The following AKAP10 variants were observed in gnomAD, a reference collection of about 807,000 sequenced individuals.
AKAP10 encodes A-kinase anchoring protein 10.
AKAP10 carries 24 observed loss-of-function variants against 80.8 expected under a neutral mutation model. The ratio of observed to expected loss-of-function variants is 0.30; its 90% CI spans 0.22 to 0.42. The LOEUF is 0.42. Among genes scored for constraint, AKAP10 ranks in the 10% least tolerant of loss-of-function variants. The pLI, the probability that AKAP10 is intolerant of heterozygous loss-of-function variation, is 1.00. For missense variants in AKAP10, 661 were observed against 794.9 expected, an observed-to-expected ratio of 0.83 and a Z score of 2.03; for synonymous variants, 291 against 277.7, an observed-to-expected ratio of 1.05 and a Z score of -0.48.
intron 5 of AKAP10, among the ~76,000 whole-genome samples, chr17:19,942,449 G>A (rs1252797020): frequency 1.3e-5 from 2 of 152,082 alleles, no homozygotes; most frequent in Non-Finnish European, 2.9e-5. Flanking sequence ...AAGGGCACAA[G>A]AAAACTAACA....
At chr17:19,936,192 A>C in intron 9 of AKAP10, 94 bp downstream of exon 9, 1 of 1,381,082 alleles carries the variant, frequency 7.2e-7, no homozygotes, top group Non-Finnish European at 9.7e-7. Context: ...TTCAATTTCC[A>C]CTGTGCTATT....
intron 4 of AKAP10, among the ~76,000 whole-genome samples, chr17:19,947,717 T>A (rs1012877117): frequency 5.9e-5 from 9 of 152,146 alleles, no homozygotes; most frequent in African/African-American, 2.2e-4. Context: ...ATGAAAAAAC[T>A]ATGCATGAAT....
In AKAP10 at chr17:19,915,726, C is replaced by A. The variant is rs576501984; in HGVS notation, c.1834+4310G>T. On this transcript the variant is annotated intron_variant, in intron 12 of 14. Coordinates refer to ENST00000225737, the MANE Select transcript of AKAP10 (RefSeq NM_007202.4). The stretch of plus-strand genomic sequence containing the variant: ...CCTCTACCTTCAAATACAACCCGAA[C>A]TGGACTGGTCTTCCACTACCAGCCT... Among the ~76,000 whole-genome samples, 3 of 152,280 alleles carry A rather than the reference C, an allele frequency of 2.0e-5. No individual in the cohort carries two copies. The South Asian group carries it at 6.2e-4, about 32-fold the overall frequency.
intron 10 of AKAP10, among the ~76,000 whole-genome samples, chr17:19,929,999 C>CAAAAAAAAAAAAAAAAAAAAACA (rs11365343): frequency 1.7e-4 from 14 of 81,756 alleles, no homozygotes; most frequent in South Asian, 4.2e-4. Context: ...CAACAAAAAC[C>CAAAAAAAAAAAAAAAAAAAAACA]AAAAAAAAAA....
At chr17:19,925,602 C>G (rs2042867754) in intron 10 of AKAP10, among the ~76,000 whole-genome samples, 1 of 152,126 alleles carries the variant, frequency 6.6e-6, no homozygotes, top group African/African-American at 2.4e-5. Flanking sequence ...TTATTCACTG[C>G]AGCATTGTTT....
chr17:19,952,011 T>C (rs935912195), intron 4 of AKAP10, among the ~76,000 whole-genome samples: 4 of 150,886 alleles, frequency 2.7e-5, no homozygotes, highest in Non-Finnish European at 5.9e-5. Flanking sequence ...ATTAATATTA[T>C]TATGAGTAAT....
chr17:19,934,620 G>T (rs1275030512), intron 9 of AKAP10, among the ~76,000 whole-genome samples: 2 of 152,168 alleles, frequency 1.3e-5, no homozygotes. Context: ...ATGTTAATAT[G>T]TATTTTATAT....
intron 12 of AKAP10, among the ~76,000 whole-genome samples, chr17:19,915,966 G>C (rs150296420): frequency 1.1e-3 from 161 of 152,214 alleles, no homozygotes; most frequent in African/African-American, 3.7e-3. Context: ...TCCTTGCCAT[G>C]GTCTCTGGTG....
chr17:19,946,870 T>C (rs1160779612), intron 5 of AKAP10, among the ~76,000 whole-genome samples: 1 of 152,004 alleles, frequency 6.6e-6, no homozygotes, highest in Non-Finnish European at 1.5e-5. Context: ...CAGGTAGACA[T>C]CCAGGGTGCC....
In AKAP10 at chr17:19,931,982, A is replaced by T. The variant is rs768721214; in HGVS notation, c.1468-4T>A. 1.2e-6 allele frequency: 2 copies of T among 1,606,492 alleles called. No homozygotes were observed. Among genetic ancestry groups the T allele is most frequent in the Admixed American group, 3.4e-5 (2 of 58,418 alleles). ...ACAAAAAGCCAGGCAAAAAGACCTG[A>T]TAGAGATGAAAAGCATTATTTTAAA... On this transcript the variant is annotated splice_polypyrimidine_tract_variant and splice_region_variant and intron_variant, in intron 9 of 14. Transcript: ENST00000225737.
At chr17:19,911,463 G>A (rs963126888) in intron 12 of AKAP10, among the ~76,000 whole-genome samples, 1 of 152,046 alleles carries the variant, frequency 6.6e-6, no homozygotes, top group Admixed American at 6.6e-5. Context: ...CTGGCTGACT[G>A]GTGTCCCTCA....
intron 4 of AKAP10, among the ~76,000 whole-genome samples, chr17:19,954,856 G>A (rs2152417150): frequency 6.6e-6 from 1 of 151,794 alleles, no homozygotes; most frequent in East Asian, 1.9e-4. Flanking sequence ...TAGGCAAAGG[G>A]CTCTTAGGTG....
intron 2 of AKAP10, among the ~76,000 whole-genome samples, chr17:19,963,587 G>C (rs898037886): frequency 6.6e-5 from 10 of 151,892 alleles, no homozygotes; most frequent in East Asian, 1.9e-4. Flanking sequence ...GCTTGGGGTG[G>C]GGGGAACCTA....
chr17:19,920,877 A>C (rs1460242955), intron 11 of AKAP10, among the ~76,000 whole-genome samples: 3 of 149,298 alleles, frequency 2.0e-5, no homozygotes, highest in African/African-American at 7.4e-5. Context: ...AAAAAAAAAA[A>C]AAAAAAAAGC....
At chr17:19,947,836 C>T (rs1282490825) in intron 4 of AKAP10, among the ~76,000 whole-genome samples, 7 of 152,112 alleles carry the variant, frequency 4.6e-5, no homozygotes, top group Admixed American at 6.5e-5. Flanking sequence ...TTGAAGACAG[C>T]CCCTATTGGA....
chr17:19,936,662 T>A (rs2042995986), intron 8 of AKAP10, among the ~76,000 whole-genome samples: 1 of 152,206 alleles, frequency 6.6e-6, no homozygotes, highest in Non-Finnish European at 1.5e-5. Context: ...CCTTAGTTCT[T>A]GACGGTGAAC....
intron 11 of AKAP10, among the ~76,000 whole-genome samples, chr17:19,922,386 T>C (rs541621728): frequency 7.2e-5 from 11 of 152,244 alleles, no homozygotes; most frequent in Admixed American, 5.9e-4. Context: ...GATGCTAAAA[T>C]CATAAAACTA....
At chr17:19,961,961 A>G (rs1310629417) in intron 3 of AKAP10, among the ~76,000 whole-genome samples, 1 of 152,024 alleles carries the variant, frequency 6.6e-6, no homozygotes, top group East Asian at 1.9e-4. Context: ...ACAAAAAATT[A>G]AAAAATTATC....
chr17:19,942,254 A>G (rs923926006), intron 5 of AKAP10, among the ~76,000 whole-genome samples: 2 of 152,220 alleles, frequency 1.3e-5, no homozygotes, highest in Non-Finnish European at 2.9e-5. Context: ...ATAAACTACT[A>G]AGAAATGTTC....
Sources: allele counts gnomAD v4.1 joint callset (sites outside exome capture counted in the v4.1 genomes callset), GRCh38; gene constraint gnomAD v4.1.1; transcripts MANE v1.5; gene names NCBI Gene and HGNC (gene_info 2026-07-23, HGNC 2026-07-21).